SPATA31D1: variants seen among roughly 807,000 people sequenced by gnomAD.
The protein encoded by SPATA31D1 is spermatogenesis-associated protein 31D1.
SPATA31D1 carries 6 observed loss-of-function variants against 13.2 expected under a neutral mutation model. That is an observed-to-expected ratio of 0.46 (90% CI 0.25 to 0.90). The LOEUF is 0.90. SPATA31D1 is among the 40% of genes least tolerant of loss of function. The probability of loss-of-function intolerance (pLI) is 0.18; values close to 1 mark genes in which losing one functional copy is unlikely to be tolerated. For missense variants in SPATA31D1, 2,445 were observed against 1,884.7 expected, an observed-to-expected ratio of 1.30 and a Z score of -5.50; for synonymous variants, 903 against 718.8, an observed-to-expected ratio of 1.26 and a Z score of -4.10.
At chr9:81,988,679 C>A, upstream of SPATA31D1, 1 of 1,385,742 alleles carries the variant, frequency 7.2e-7, no homozygotes, top group Non-Finnish European at 9.8e-7. Context: ...GGGCTGTGGA[C>A]ACACCCTCCT....
In SPATA31D1 at chr9:81,992,865, T is replaced by A. The variant is rs755857922; in HGVS notation, c.2395T>A (p.Ser799Thr). Reference protein sequence around the residue: ...PETSSDKDLRSNSERDLETHM... With the variant: ...PETSSDKDLRTNSERDLETHM... ...GACTTCTTCAGACAAGGATCTGAGG[T>A]CTAACTCTGAGAGAGACCTAGAAAC... The change falls in exon 4 of 4, where the codon TCT becomes ACT. Residue 799 changes from serine to threonine, a missense_variant. Ser to Thr is a moderately conservative substitution (Grantham distance 58). Coordinates refer to ENST00000344803, the MANE Select transcript of SPATA31D1 (RefSeq NM_001001670.3). 4.3e-6 allele frequency: 7 copies of A among 1,613,766 alleles called. No individual in the cohort carries two copies. Among genetic ancestry groups the A allele is most frequent in the Non-Finnish European group, 5.9e-6 (7 of 1,179,710 alleles).
In SPATA31D1 at chr9:81,993,218, G is replaced by C. The variant is rs1399030355; in HGVS notation, c.2748G>C (p.Trp916Cys). ...AAACTTTCCGTATGAGGATGCTGTG[G>C]GGCCTTCCCCTCAAGGTCCTTGAAT... ...HIKTFRMRML[W>C]GLPLKVLESI... is the part of the protein sequence containing the mutation. The change falls in exon 4 of 4, where the codon TGG becomes TGC. Residue 916 changes from tryptophan to cysteine, a missense_variant. Physicochemically the swap from Trp to Cys is radical, Grantham distance 215. Coordinates refer to ENST00000344803, the MANE Select transcript of SPATA31D1 (RefSeq NM_001001670.3). The C allele has an allele frequency of 6.2e-7, 1 of 1,613,958 alleles. No individual in the cohort carries two copies. Among genetic ancestry groups the C allele is most frequent in the Admixed American group, 1.7e-5 (1 of 60,022 alleles).
At chr9:81,990,646 A>T (rs1463477644) in intron 3 of SPATA31D1, 127 bp from the exon 4 acceptor site, 1 of 1,363,484 alleles carries the variant, frequency 7.3e-7, no homozygotes, top group Non-Finnish European at 1.0e-6. Context: ...GGCTATAGTG[A>T]GGTCATAGGA....
chr9:81,989,108 A>G, intron 1 of SPATA31D1, 104 bp downstream of exon 1: 1 of 1,478,334 alleles, frequency 6.8e-7, no homozygotes, highest in Non-Finnish European at 9.1e-7. Flanking sequence ...GACATGTTTT[A>G]GATGGGAAGT....
Position 81,994,873 on chromosome 9 carries a change from T to C in SPATA31D1, c.4403T>C (p.Val1468Ala), listed in dbSNP as rs751125908. Residue 1468 changes from valine (V) to alanine (A), a missense_variant, in exon 4 of 4, where the codon GTG becomes GCG. Physicochemically the swap from Val to Ala is moderately conservative, Grantham distance 64. Transcript: ENST00000344803. ...PCNYRAPSCKVTRTKSCSQQA... is the reference protein window; with the variant it reads ...PCNYRAPSCKATRTKSCSQQA... Reference sequence around the variant, plus strand: ...AACTACAGGGCTCCCTCCTGCAAAGTGACACGTACCAAATCTTGCAGCCAA... The same window carrying C: ...AACTACAGGGCTCCCTCCTGCAAAGCGACACGTACCAAATCTTGCAGCCAA... 9.4e-5 allele frequency: 151 copies of C among 1,613,828 alleles called. No individual in the cohort carries two copies. The highest frequency in any genetic ancestry group is 1.2e-4 in the Non-Finnish European group (147 of 1,179,886).
chr9:81,992,821 A>T lies in SPATA31D1; in HGVS notation c.2351A>T (p.His784Leu), dbSNP rs565458037. ...AGCCAGGAGACTGTCCCAAAAGATCACCTGTTGCATGGTCCGGAGACTTCT... is the reference window on the plus strand; with the variant it reads ...AGCCAGGAGACTGTCCCAAAAGATCTCCTGTTGCATGGTCCGGAGACTTCT... ...GYSQETVPKD[H>L]LLHGPETSSD... is the part of the protein sequence containing the mutation. Residue 784 changes from histidine (H) to leucine (L), a missense_variant, in exon 4 of 4, where the codon CAC (histidine) becomes CTC (leucine). Transcript: ENST00000344803. 6.3e-5 allele frequency: 101 copies of T among 1,613,686 alleles called. No individual in the cohort carries two copies. Among genetic ancestry groups the T allele is most frequent in the Non-Finnish European group, 8.2e-5 (97 of 1,179,718 alleles).
upstream of SPATA31D1, chr9:81,988,692 T>C (rs1281581673): frequency 3.4e-6 from 5 of 1,468,234 alleles, no homozygotes; most frequent in African/African-American, 7.0e-5. Context: ...ACCCTCCTCT[T>C]GTTGCTCCCT....
chr9:81,992,547 AG>A lies in SPATA31D1; in HGVS notation c.2079del (p.Arg694GlyfsTer39). On this transcript the variant is annotated frameshift_variant, in exon 4 of 4. Coordinates refer to ENST00000344803, the MANE Select transcript of SPATA31D1 (RefSeq NM_001001670.3). LOFTEE classifies it low-confidence loss of function (END_TRUNC). ...GAAGAAACTAGAGCAACACATTCGA[AG>A]GAGGCTCATCCAGCGCAGATGGGGC... The part of the protein sequence containing the change: ...VRKKLEQHIR[R>X]RLIQRRWGLP... The A allele has an allele frequency of 6.2e-7, 1 of 1,611,980 alleles. No homozygotes were observed. Among genetic ancestry groups the A allele is most frequent in the Non-Finnish European group, 8.5e-7 (1 of 1,179,734 alleles).
chr9:81,987,666 AT>A (rs1414003177), upstream of SPATA31D1, among the ~76,000 whole-genome samples: 2 of 152,208 alleles, frequency 1.3e-5, no homozygotes, highest in African/African-American at 4.8e-5. Flanking sequence ...AATTATATAT[AT>A]TTATTGTACA....
Position 81,993,305 on chromosome 9 carries a change from C to T in SPATA31D1, c.2835C>T (p.Pro945=). The change falls in exon 4 of 4, where the codon CCC becomes CCT. Residue 945 remains proline, a synonymous_variant. Coordinates refer to ENST00000344803, the MANE Select transcript of SPATA31D1 (RefSeq NM_001001670.3). Reference sequence around the variant, plus strand: ...CTTCCTTTTCCCATTTCGACCTTCCCTCCTCAGCCACCTTCATCTCTCAGG... The same window carrying T: ...CTTCCTTTTCCCATTTCGACCTTCCTTCCTCAGCCACCTTCATCTCTCAGG... ...LSTSFSHFDL[P]SSATFISQGD... is the part of the protein sequence containing the mutation. The T allele has an allele frequency of 1.2e-6, 2 of 1,613,978 alleles. No individual in the cohort carries two copies. Among genetic ancestry groups the T allele is most frequent in the Non-Finnish European group, 8.5e-7 (1 of 1,179,880 alleles).
chr9:81,991,900 T>G lies in SPATA31D1; in HGVS notation c.1430T>G (p.Leu477Arg). The G allele has an allele frequency of 6.2e-7, 1 of 1,613,774 alleles. No individual in the cohort carries two copies. The highest frequency in any genetic ancestry group is 8.5e-7 in the Non-Finnish European group (1 of 1,179,726). ...CCTTTTTGGGCCAGTAAAGGCAAAC[T>G]AGAATGGCAGCACATCCATCAGCAG... is the stretch of plus-strand genomic sequence containing the variant. ...SFPFWASKGK[L>R]EWQHIHQQPP... The change falls in exon 4 of 4, where the codon CTA (leucine) becomes CGA (arginine). Residue 477 changes from leucine (L) to arginine (R), a missense_variant. Coordinates refer to ENST00000344803, the MANE Select transcript of SPATA31D1 (RefSeq NM_001001670.3).
Position 81,990,778 on chromosome 9 carries a change from G to T in SPATA31D1, c.308G>T (p.Gly103Val). 1 of 1,608,552 alleles carries T rather than the reference G, an allele frequency of 6.2e-7. No homozygotes were observed. The highest frequency in any genetic ancestry group is 8.5e-7 in the Non-Finnish European group (1 of 1,177,226). The change falls in exon 4 of 4, where the codon GGA (glycine) becomes GTA (valine). Residue 103 changes from glycine (G) to valine (V), a missense_variant. Coordinates refer to ENST00000344803, the MANE Select transcript of SPATA31D1 (RefSeq NM_001001670.3). ...RKLLSLLKSF[G>V]PPVSCSPRGQ... Reference sequence around the variant, plus strand: ...TGTTCTGGTCCTGACTGCAGCTTTGGACCTCCTGTTTCCTGCAGTCCTCGG... The same window carrying T: ...TGTTCTGGTCCTGACTGCAGCTTTGTACCTCCTGTTTCCTGCAGTCCTCGG...
chr9:81,992,819 T>A lies in SPATA31D1; in HGVS notation c.2349T>A (p.Asp783Glu), dbSNP rs758482828. The change falls in exon 4 of 4, where the codon GAT becomes GAA. Residue 783 changes from aspartate (D) to glutamate (E), a missense_variant. Coordinates refer to ENST00000344803, the MANE Select transcript of SPATA31D1 (RefSeq NM_001001670.3). ...QGYSQETVPK[D>E]HLLHGPETSS... ...ACAGCCAGGAGACTGTCCCAAAAGA[T>A]CACCTGTTGCATGGTCCGGAGACTT... 2 of 1,613,752 alleles carry A rather than the reference T, an allele frequency of 1.2e-6. No homozygotes were observed. The highest frequency in any genetic ancestry group is 1.7e-5 in the Admixed American group (1 of 60,014).
At chr9:81,988,155 T>G (rs1228590839), upstream of SPATA31D1, among the ~76,000 whole-genome samples, 2 of 152,206 alleles carry the variant, frequency 1.3e-5, no homozygotes, top group African/African-American at 4.8e-5. Flanking sequence ...GTTCGTTAAT[T>G]TACAATAAAA....
At position 81,992,712 on chromosome 9, in the gene SPATA31D1, T is replaced by C. The variant is rs1385977234; in HGVS notation, c.2242T>C (p.Ser748Pro). Residue 748 changes from serine (S) to proline (P), a missense_variant, in exon 4 of 4, where the codon TCC (serine) becomes CCC (proline). Coordinates refer to ENST00000344803, the MANE Select transcript of SPATA31D1 (RefSeq NM_001001670.3). ...EGQRCNVLKKSASSFPRSFHE... is the reference protein window; with the variant it reads ...EGQRCNVLKKPASSFPRSFHE... ...TCAGAGGTGCAATGTTCTAAAGAAG[T>C]CCGCATCAAGCTTCCCTAGAAGCTT... 1 of 1,613,664 alleles carries C rather than the reference T, an allele frequency of 6.2e-7. No individual in the cohort carries two copies. Among genetic ancestry groups the C allele is most frequent in the Non-Finnish European group, 8.5e-7 (1 of 1,179,728 alleles).
chr9:81,992,310 C>T lies in SPATA31D1; in HGVS notation c.1840C>T (p.Arg614Trp), dbSNP rs747405552. 5.0e-5 allele frequency: 80 copies of T among 1,613,688 alleles called. No homozygotes were observed. The highest frequency in any genetic ancestry group is 1.3e-4 in the East Asian group (6 of 44,890). ...VCFHRPQNEA[R>W]SLLPSEINHL... Reference sequence around the variant, plus strand: ...TTTTCATAGACCCCAGAACGAGGCACGGTCTCTTTTGCCATCTGAAATTAA... The same window carrying T: ...TTTTCATAGACCCCAGAACGAGGCATGGTCTCTTTTGCCATCTGAAATTAA... The change falls in exon 4 of 4, where the codon CGG (arginine) becomes TGG (tryptophan). Residue 614 changes from arginine to tryptophan, a missense_variant. Transcript: ENST00000344803.
rs372313132 is a variant in SPATA31D1, at chr9:81,994,745, C to T, written c.4275C>T (p.Ile1425=). 4.3e-6 allele frequency: 7 copies of T among 1,613,900 alleles called. No homozygotes were observed. Among genetic ancestry groups the T allele is most frequent in the Middle Eastern group, 3.3e-4 (2 of 6,062 alleles). ...TGGGGCATAGGCATGGGATAGATATCACCTGTCCCCAAGAGCCCCTTTCCT... is the reference window on the plus strand; with the variant it reads ...TGGGGCATAGGCATGGGATAGATATTACCTGTCCCCAAGAGCCCCTTTCCT... ...EKLGHRHGID[I]TCPQEPLSFP... is the part of the protein sequence containing the mutation. The change falls in exon 4 of 4, where the codon ATC becomes ATT. Residue 1425 remains isoleucine, a synonymous_variant. Transcript: ENST00000344803.
intron 2 of SPATA31D1, 122 bp from the exon 3 acceptor site, chr9:81,990,295 T>A: frequency 1.5e-6 from 1 of 687,776 alleles, no homozygotes; most frequent in Non-Finnish European, 2.4e-6. Flanking sequence ...TATCAATGAC[T>A]ATTTTCCCTT....
rs551942613 is a variant in SPATA31D1 at position 81,990,222 on chromosome 9, G to C, written c.233-195G>C. 137 of 545,834 alleles carry C rather than the reference G, an allele frequency of 2.5e-4. 1 individual carries two copies. The South Asian group carries it at 3.5e-3, about 14-fold the overall frequency. The allele number at this position is 545,834 out of a possible 1,614,324, so 33.8% of individuals were successfully genotyped here. On this transcript the variant is annotated intron_variant, in intron 2 of 3. Transcript: ENST00000344803. ...CACGTGGTGGTTTTGAGCATCACAT[G>C]GGGTAATGTATGTGAAAGGACTTTA...
Sources: gnomAD v4.1 joint callset for allele counts (sites outside exome capture counted in the v4.1 genomes callset) on GRCh38, gnomAD v4.1.1 for gene constraint, MANE v1.5 for transcripts, NCBI Gene and HGNC (gene_info 2026-07-23, HGNC 2026-07-21) for gene names.